The following MIPEP variants were observed in gnomAD, a reference collection of about 807,000 sequenced individuals.
The protein encoded by MIPEP is mitochondrial intermediate peptidase.
A neutral mutation model predicts 90.3 loss-of-function variants in MIPEP; 79 were observed. The observed-to-expected ratio is 0.87, with a 90% confidence interval of 0.73 to 1.05. The LOEUF (loss-of-function observed/expected upper bound fraction) is 1.05, where lower values mean the gene tolerates loss of function less well. MIPEP is among the 50% of genes least tolerant of loss of function. MIPEP has a pLI of 0.00. For missense variants in MIPEP, 940 were observed against 905.6 expected, an observed-to-expected ratio of 1.04 and a Z score of -0.49; for synonymous variants, 334 against 315.8, an observed-to-expected ratio of 1.06 and a Z score of -0.61.
intron 18 of MIPEP, among the ~76,000 whole-genome samples, chr13:23,742,698 T>A (rs140658830): frequency 5.9e-5 from 9 of 152,380 alleles, no homozygotes; most frequent in African/African-American, 2.2e-4. Flanking sequence ...AAGCTACTTA[T>A]CCAGCTCATA....
intron 16 of MIPEP, among the ~76,000 whole-genome samples, chr13:23,788,375 C>A (rs1235377083): frequency 6.6e-6 from 1 of 152,198 alleles, no homozygotes; most frequent in Non-Finnish European, 1.5e-5. Flanking sequence ...TACAACATGT[C>A]ATCACAGGTC....
At chr13:23,849,651 A>G (rs1869717466) in intron 10 of MIPEP, among the ~76,000 whole-genome samples, 1 of 152,236 alleles carries the variant, frequency 6.6e-6, no homozygotes, top group South Asian at 2.1e-4. Flanking sequence ...GGTCTTTTAA[A>G]TTAAGAACAA....
chr13:23,805,342 A>C (rs975037749), intron 16 of MIPEP, among the ~76,000 whole-genome samples: 1 of 152,234 alleles, frequency 6.6e-6, no homozygotes, highest in African/African-American at 2.4e-5. Context: ...AGATGATCTC[A>C]GACAGGACAT....
chr13:23,799,969 A>G lies in MIPEP; in HGVS notation c.1848+5981T>C, dbSNP rs367591661. Among the ~76,000 whole-genome samples the G allele has an allele frequency of 6.5e-4, 99 of 152,282 alleles. No homozygotes were observed. The Middle Eastern group carries it at 0.014, about 21-fold the overall frequency. On this transcript the variant is annotated intron_variant, in intron 16 of 18. Coordinates refer to ENST00000382172, the MANE Select transcript of MIPEP (RefSeq NM_005932.4). ...TACTTAGAGTGCTCAGAACTTTCTT[A>G]TTCTGTTTTCAATTTGAGGTCACTA...
chr13:23,819,789 A>G (rs977602753), intron 14 of MIPEP, among the ~76,000 whole-genome samples: 2 of 152,106 alleles, frequency 1.3e-5, no homozygotes, highest in Non-Finnish European at 2.9e-5. Flanking sequence ...CCAGTGGATC[A>G]CCTGAAGTCA....
chr13:23,888,211 C>T (rs1871598996), intron 1 of MIPEP: 1 of 375,780 alleles, frequency 2.7e-6, no homozygotes, highest in African/African-American at 2.2e-5. Flanking sequence ...CTCTTCACAC[C>T]AACTATGTTA....
In MIPEP at chr13:23,820,976, C is replaced by T. The variant is rs372249375; in HGVS notation, c.1654-11052G>A. Among the ~76,000 whole-genome samples, 7 of 152,358 alleles carry T rather than the reference C, an allele frequency of 4.6e-5. No individual in the cohort carries two copies. The East Asian group carries it at 5.8e-4, about 13-fold the overall frequency. ...GAAGAAAAATAGCCAGCATCCAACA[C>T]TGCCTCCATACTGAAAAACGCCAAA... On this transcript the variant is annotated intron_variant, in intron 14 of 18. Coordinates refer to ENST00000382172, the MANE Select transcript of MIPEP (RefSeq NM_005932.4).
At chr13:23,854,303 C>T (rs949478751) in intron 10 of MIPEP, among the ~76,000 whole-genome samples, 12 of 117,992 alleles carry the variant, frequency 1.0e-4, no homozygotes, top group African/African-American at 3.6e-4. Flanking sequence ...TTTCTTTGTT[C>T]TTTTTCTTTT....
intron 14 of MIPEP, among the ~76,000 whole-genome samples, chr13:23,820,556 G>A (rs574534301): frequency 2.6e-5 from 4 of 152,206 alleles, no homozygotes; most frequent in African/African-American, 4.8e-5. Flanking sequence ...ATAAAACATC[G>A]TAAAGAAATA....
At chr13:23,853,176 A>C (rs1869882250) in intron 10 of MIPEP, among the ~76,000 whole-genome samples, 1 of 152,360 alleles carries the variant, frequency 6.6e-6, no homozygotes, top group East Asian at 1.9e-4. Flanking sequence ...CTATAAATTT[A>C]GTGTAGCCTA....
At chr13:23,842,972 C>G (rs1446357869) in intron 10 of MIPEP, among the ~76,000 whole-genome samples, 6 of 151,832 alleles carry the variant, frequency 4.0e-5, no homozygotes, top group Admixed American at 2.0e-4. Context: ...GTGGCGGGTG[C>G]CTGTAATCCC....
At chr13:23,860,345 T>A (rs904267607) in intron 9 of MIPEP, among the ~76,000 whole-genome samples, 1 of 152,236 alleles carries the variant, frequency 6.6e-6, no homozygotes, top group Non-Finnish European at 1.5e-5. Context: ...CACCATGCCA[T>A]ATTTATGTGG....
chr13:23,786,849 T>C (rs889913173), intron 16 of MIPEP, among the ~76,000 whole-genome samples: 1 of 152,146 alleles, frequency 6.6e-6, no homozygotes, highest in East Asian at 1.9e-4. Context: ...CAGTACACTG[T>C]TACGGACTTA....
intron 14 of MIPEP, among the ~76,000 whole-genome samples, chr13:23,812,195 G>A (rs567821195): frequency 0.012 from 786 of 66,938 alleles, 5 homozygotes; most frequent in African/African-American, 0.045. Context: ...ACTGTAACGC[G>A]TGCAGGGAAG....
At chr13:23,872,421 A>G (rs535923300) in intron 5 of MIPEP, among the ~76,000 whole-genome samples, 67 of 152,342 alleles carry the variant, frequency 4.4e-4, no homozygotes, top group African/African-American at 1.6e-3. Flanking sequence ...AGATTGCCCA[A>G]TTGCACTCCA....
At chr13:23,762,751 G>C (rs1952561078) in intron 16 of MIPEP, among the ~76,000 whole-genome samples, 1 of 152,192 alleles carries the variant, frequency 6.6e-6, no homozygotes, top group Non-Finnish European at 1.5e-5. Context: ...CTCTTGCACA[G>C]CAACTAGACC....
At chr13:23,734,577 A>C (rs1345820524) in intron 18 of MIPEP, among the ~76,000 whole-genome samples, 3 of 152,150 alleles carry the variant, frequency 2.0e-5, no homozygotes, top group Non-Finnish European at 2.9e-5. Flanking sequence ...GGAAGCTCTG[A>C]GTTTATCTTG....
In MIPEP at chr13:23,881,113, T is replaced by C. The variant is rs4067958; in HGVS notation, c.452+586A>G. On this transcript the variant is annotated intron_variant, in intron 3 of 18. Coordinates refer to ENST00000382172, the MANE Select transcript of MIPEP (RefSeq NM_005932.4). ...AAAATCACTTTAAAATAATTCACTC[T>C]ATCACAGCCTCAGCCAGAGCATGCT... Among the ~76,000 whole-genome samples the C allele has an allele frequency of 3.2e-4, 48 of 152,350 alleles. No individual in the cohort carries two copies. In the East Asian group the frequency reaches 8.1e-3, roughly 26 times the overall value.
rs560546028 is a variant in MIPEP at position 23,863,414 on chromosome 13, CAT to C, written c.992+725_992+726del. Among the ~76,000 whole-genome samples, 671 of 152,302 alleles carry C rather than the reference CAT, an allele frequency of 4.4e-3. 3 individuals carry two copies. Among genetic ancestry groups the C allele is most frequent in the Non-Finnish European group, 5.4e-3 (370 of 68,018 alleles). ...ATGATGGTACAAGTGGAAAATTCCA[CAT>C]GTGATGTCATGTGATAGGTTGCAGC... is the stretch of plus-strand genomic sequence containing the variant. On this transcript the variant is annotated intron_variant, in intron 8 of 18. Transcript: ENST00000382172.
Sources: allele counts gnomAD v4.1 joint callset (sites outside exome capture counted in the v4.1 genomes callset), GRCh38; gene constraint gnomAD v4.1.1; transcripts MANE v1.5; gene names NCBI Gene and HGNC (gene_info 2026-07-23, HGNC 2026-07-21).